Variants in CDIN1 observed in about 807,000 individuals in gnomAD.
The protein encoded by CDIN1 is CDAN1-interacting nuclease 1.
In CDIN1, 33 loss-of-function variants were observed where a neutral mutation model predicts 45.3. The observed-to-expected ratio is 0.73, with a 90% confidence interval of 0.55 to 0.97. CDIN1 has a LOEUF of 0.97. Among genes scored for constraint, CDIN1 ranks in the 50% least tolerant of loss-of-function variants. The pLI, the probability that CDIN1 is intolerant of heterozygous loss-of-function variation, is 0.00. For missense variants in CDIN1, 303 were observed against 339.4 expected, an observed-to-expected ratio of 0.89 and a Z score of 0.84; for synonymous variants, 118 against 124.4, an observed-to-expected ratio of 0.95 and a Z score of 0.34.
chr15:36,667,587 T>C (rs534876343), intron 5 of CDIN1, among the ~76,000 whole-genome samples: 1 of 152,234 alleles, frequency 6.6e-6, no homozygotes, highest in South Asian at 2.1e-4. Flanking sequence ...AAATAATGAT[T>C]GGGTACTCCT....
At chr15:36,684,882 A>G (rs895388367) in intron 5 of CDIN1, among the ~76,000 whole-genome samples, 6 of 149,312 alleles carry the variant, frequency 4.0e-5, no homozygotes, top group Non-Finnish European at 7.5e-5. Context: ...TGTTTGTAGT[A>G]TTCTCTGATG....
intron 8 of CDIN1, among the ~76,000 whole-genome samples, chr15:36,700,658 C>T (rs984457364): frequency 4.0e-5 from 6 of 151,300 alleles, no homozygotes; most frequent in Non-Finnish European, 7.4e-5. Flanking sequence ...TACTCTTAAG[C>T]CTGCTGTGGG....
intron 10 of CDIN1, among the ~76,000 whole-genome samples, chr15:36,772,817 TA>T (rs2054113369): frequency 6.6e-6 from 1 of 152,268 alleles, no homozygotes; most frequent in Non-Finnish European, 1.5e-5. Context: ...AGAATTGTGT[TA>T]ACAGAGGAAA....
chr15:36,777,380 G>A (rs1260806583), intron 10 of CDIN1, among the ~76,000 whole-genome samples: 3 of 148,184 alleles, frequency 2.0e-5, no homozygotes, highest in African/African-American at 5.0e-5. Context: ...CCCTTTTAGA[G>A]TTACGCTTTG....
chr15:36,790,508 C>T (rs561447869), intron 10 of CDIN1: 1 of 152,136 alleles, frequency 6.6e-6, no homozygotes, highest in African/African-American at 2.4e-5. Flanking sequence ...TATATTTTAA[C>T]GTAGCTAGAA....
At chr15:36,587,062 C>T (rs927357095) in intron 1 of CDIN1, among the ~76,000 whole-genome samples, 2 of 152,144 alleles carry the variant, frequency 1.3e-5, no homozygotes, top group Admixed American at 6.5e-5. Flanking sequence ...GTTATTTAGT[C>T]GCTGTACTAA....
chr15:36,601,521 C>T (rs1255186628), intron 1 of CDIN1, among the ~76,000 whole-genome samples: 2 of 152,182 alleles, frequency 1.3e-5, no homozygotes, highest in East Asian at 3.9e-4. Flanking sequence ...CTTGTTTTTT[C>T]AGGGGATTCA....
At chr15:36,700,750 G>A (rs1470996676) in intron 8 of CDIN1, among the ~76,000 whole-genome samples, 2 of 151,440 alleles carry the variant, frequency 1.3e-5, no homozygotes, top group Admixed American at 6.6e-5. Flanking sequence ...GAAAACTGAA[G>A]ATAAGTTTCA....
chr15:36,692,232 A>T, intron 7 of CDIN1, 57 bp downstream of exon 7: 1 of 1,496,730 alleles, frequency 6.7e-7, no homozygotes, highest in South Asian at 1.2e-5. Flanking sequence ...CTCAGTGGAG[A>T]TGTGTCTAGC....
chr15:36,621,649 T>C (rs1379512573), intron 1 of CDIN1, among the ~76,000 whole-genome samples: 1 of 152,138 alleles, frequency 6.6e-6, no homozygotes, highest in Non-Finnish European at 1.5e-5. Context: ...GATAATGCAG[T>C]TGGTGGAAAT....
At chr15:36,746,851 G>A (rs567535126) in intron 10 of CDIN1, 5 of 240,150 alleles carry the variant, frequency 2.1e-5, no homozygotes, top group Admixed American at 1.3e-4. Flanking sequence ...CCAGGCTCAA[G>A]TGACCCTCCC....
intron 1 of CDIN1, among the ~76,000 whole-genome samples, chr15:36,603,033 G>A (rs567040752): frequency 1.3e-5 from 2 of 152,016 alleles, no homozygotes; most frequent in African/African-American, 4.8e-5. Context: ...AGCATCATTG[G>A]TGCTAAATAT....
intron 10 of CDIN1, among the ~76,000 whole-genome samples, chr15:36,803,023 C>T (rs2055101310): frequency 6.6e-6 from 1 of 151,848 alleles, no homozygotes; most frequent in East Asian, 1.9e-4. Flanking sequence ...TCGACAAAGC[C>T]TGCTAGCCCC....
chr15:36,667,844 T>G (rs1037679527), intron 5 of CDIN1, among the ~76,000 whole-genome samples: 1 of 152,154 alleles, frequency 6.6e-6, no homozygotes, highest in African/African-American at 2.4e-5. Flanking sequence ...GATAAAAATA[T>G]GCAGACAATA....
chr15:36,736,970 C>G (rs2044046423), intron 10 of CDIN1, among the ~76,000 whole-genome samples: 1 of 151,934 alleles, frequency 6.6e-6, no homozygotes, highest in Non-Finnish European at 1.5e-5. Flanking sequence ...AGTTCAAGAC[C>G]AGCCTGGCCA....
intron 1 of CDIN1, among the ~76,000 whole-genome samples, chr15:36,594,446 G>A (rs2037722015): frequency 6.6e-6 from 1 of 151,814 alleles, no homozygotes; most frequent in Non-Finnish European, 1.5e-5. Flanking sequence ...CTCTGTTAGA[G>A]GTGTGTAAGG....
chr15:36,712,407 AG>A (rs2043088082), intron 10 of CDIN1, among the ~76,000 whole-genome samples: 1 of 151,704 alleles, frequency 6.6e-6, no homozygotes, highest in African/African-American at 2.4e-5. Context: ...CTGGGATTAC[AG>A]GTGCCTCACA....
chr15:36,768,121 A>C (rs1250232166), intron 10 of CDIN1, among the ~76,000 whole-genome samples: 1 of 152,194 alleles, frequency 6.6e-6, no homozygotes, highest in East Asian at 1.9e-4. Context: ...ACGGACAGCC[A>C]GAGGAAGCCA....
At chr15:36,682,930 A>T (rs1195417986) in intron 5 of CDIN1, among the ~76,000 whole-genome samples, 3 of 152,184 alleles carry the variant, frequency 2.0e-5, no homozygotes, top group Non-Finnish European at 4.4e-5. Flanking sequence ...CAGACACAAT[A>T]ACATGGGAGG....
Sources: allele counts gnomAD v4.1 joint callset (sites outside exome capture counted in the v4.1 genomes callset), GRCh38; gene constraint gnomAD v4.1.1; transcripts MANE v1.5; gene names NCBI Gene and HGNC (gene_info 2026-07-23, HGNC 2026-07-21).